Variants in GMEB1 observed in about 807,000 individuals in gnomAD.
GMEB1 encodes the protein glucocorticoid modulatory element binding protein 1, also known as glucocorticoid modulatory element-binding protein 1.
GMEB1 carries 6 observed loss-of-function variants against 52.4 expected under a neutral mutation model. The ratio of observed to expected loss-of-function variants is 0.11; its 90% CI spans 0.06 to 0.23. The LOEUF (loss-of-function observed/expected upper bound fraction) is 0.23. Ranked by LOEUF, GMEB1 falls within the 10% of genes least tolerant of loss-of-function variation. The pLI is 1.00. For synonymous variants in GMEB1, 255 were observed against 244.9 expected, an observed-to-expected ratio of 1.04 and a Z score of -0.38; for missense variants, 486 against 685.6, an observed-to-expected ratio of 0.71 and a Z score of 3.25.
chr1:28,692,814 A>G (rs1670026804), intron 4 of GMEB1, 128 bp from the exon 5 acceptor site: 1 of 473,922 alleles, frequency 2.1e-6, no homozygotes, highest in Non-Finnish European at 3.8e-6. Flanking sequence ...GAGGTTGGAT[A>G]ATACAAGGCT....
intron 2 of GMEB1, among the ~76,000 whole-genome samples, chr1:28,687,859 A>G (rs1474217692): frequency 2.0e-5 from 3 of 151,556 alleles, no homozygotes; most frequent in Admixed American, 2.0e-4. Context: ...TTCTGTCTAC[A>G]GTGTGCTGAG....
chr1:28,685,373 C>A (rs1238902954), intron 2 of GMEB1, among the ~76,000 whole-genome samples: 1 of 151,730 alleles, frequency 6.6e-6, no homozygotes, highest in African/African-American at 2.4e-5. Context: ...CCGTGCCTGG[C>A]CAATTTTTGT....
chr1:28,672,544 A>G (rs1240129678), intron 1 of GMEB1, among the ~76,000 whole-genome samples: 2 of 151,582 alleles, frequency 1.3e-5, no homozygotes, highest in Non-Finnish European at 2.9e-5. Context: ...GTCCCCAGAA[A>G]GTGCCAATAT....
chr1:28,679,876 A>C (rs1293714619), intron 1 of GMEB1, among the ~76,000 whole-genome samples: 1 of 148,636 alleles, frequency 6.7e-6, no homozygotes. Context: ...ATCTCGGTTC[A>C]CCCACCACAA....
At chr1:28,705,785 A>T (rs898901360) in intron 8 of GMEB1, among the ~76,000 whole-genome samples, 46 of 151,666 alleles carry the variant, frequency 3.0e-4, no homozygotes, top group African/African-American at 1.1e-3. Context: ...GTATACATTC[A>T]TTATGTGGTA....
In GMEB1 at chr1:28,716,425, C is replaced by T. The variant is rs1388667025; in HGVS notation, c.*1652C>T. The stretch of plus-strand genomic sequence containing the variant: ...CACTCATTTGGTGCTTCCTCTTGTT[C>T]TGCCCTCCATCCCTCAACTCTTAAT... On this transcript the variant is annotated 3_prime_UTR_variant, in exon 10 of 10. Coordinates refer to ENST00000373816, the MANE Select transcript of GMEB1 (RefSeq NM_001319674.2). 2 of 152,156 alleles carry T rather than the reference C, an allele frequency of 1.3e-5. No homozygotes were observed. Among genetic ancestry groups the T allele is most frequent in the African/African-American group, 4.8e-5 (2 of 41,434 alleles). 9.4% of individuals were successfully genotyped at this position (152,156 alleles called of 1,614,324 possible).
intron 1 of GMEB1, among the ~76,000 whole-genome samples, chr1:28,682,227 T>A (rs1669422320): frequency 6.6e-6 from 1 of 152,076 alleles, no homozygotes; most frequent in Non-Finnish European, 1.5e-5. Flanking sequence ...GGAGTAACTT[T>A]AGAGTCAAGG....
At chr1:28,705,871 T>C (rs1469878134) in intron 8 of GMEB1, among the ~76,000 whole-genome samples, 1 of 149,548 alleles carries the variant, frequency 6.7e-6, no homozygotes, top group East Asian at 2.1e-4. Flanking sequence ...ATTCTCATAT[T>C]CGGCCGGGCG....
Position 28,714,739 on chromosome 1 carries a change from T to C in GMEB1, c.1658T>C (p.Val553Ala), listed in dbSNP as rs780473449. 1 of 1,613,886 alleles carries C rather than the reference T, an allele frequency of 6.2e-7. No homozygotes were observed. Among genetic ancestry groups the C allele is most frequent in the East Asian group, 2.2e-5 (1 of 44,876 alleles). The stretch of plus-strand genomic sequence containing the variant: ...GAGATGGAAGAACACCAGCATCAAG[T>C]TCACAATGTGGAGATTGTGGTCTTA... Reference protein sequence around the residue: ...VAEMEEHQHQVHNVEIVVLED With the variant: ...VAEMEEHQHQAHNVEIVVLED Residue 553 changes from valine (V) to alanine (A), a missense_variant, in exon 10 of 10, where the codon GTT becomes GCT. Physicochemically the swap from Val to Ala is moderately conservative, Grantham distance 64. Transcript: ENST00000373816.
chr1:28,674,110 A>C (rs1669024802), intron 1 of GMEB1, among the ~76,000 whole-genome samples: 2 of 151,266 alleles, frequency 1.3e-5, no homozygotes, highest in South Asian at 4.2e-4. Context: ...AGACCCTGCC[A>C]TTGCACTCCA....
At chr1:28,703,815 A>G (rs1251675238) in intron 7 of GMEB1, among the ~76,000 whole-genome samples, 3 of 152,120 alleles carry the variant, frequency 2.0e-5, no homozygotes, top group Non-Finnish European at 4.4e-5. Context: ...TTTCTTTACT[A>G]TTTAACTTTT....
At chr1:28,670,856 A>AT (rs985214815) in intron 1 of GMEB1, among the ~76,000 whole-genome samples, 10 of 152,098 alleles carry the variant, frequency 6.6e-5, no homozygotes, top group East Asian at 5.8e-4. Context: ...TACTTAAATG[A>AT]TTTTTTTTGG....
intron 1 of GMEB1, among the ~76,000 whole-genome samples, chr1:28,670,000 A>G (rs1383296565): frequency 6.6e-6 from 1 of 152,100 alleles, no homozygotes; most frequent in Non-Finnish European, 1.5e-5. Flanking sequence ...ACCACTTCCT[A>G]GTAGACACAG....
chr1:28,702,405 T>C, intron 6 of GMEB1, 33 bp from the exon 7 acceptor site: 1 of 1,597,566 alleles, frequency 6.3e-7, no homozygotes, highest in South Asian at 1.1e-5. Flanking sequence ...TTCGTTAAAT[T>C]CACTGTTCTC....
chr1:28,679,801 A>G (rs1007031375), intron 1 of GMEB1, among the ~76,000 whole-genome samples: 10 of 146,376 alleles, frequency 6.8e-5, no homozygotes, highest in Non-Finnish European at 1.4e-4. Flanking sequence ...GATGGCTCAC[A>G]CTTTTTTTTT....
At chr1:28,706,079 G>A (rs1372749141) in intron 8 of GMEB1, among the ~76,000 whole-genome samples, 2 of 151,876 alleles carry the variant, frequency 1.3e-5, no homozygotes, top group African/African-American at 2.4e-5. Flanking sequence ...GCATGAACCC[G>A]GGAGGCAGAA....
At chr1:28,709,246 G>T (rs61786059) in intron 8 of GMEB1, among the ~76,000 whole-genome samples, 28,311 of 151,900 alleles carry the variant, frequency 0.19, 3,274 homozygotes, top group Middle Eastern at 0.3. Context: ...GGCAGGGCTT[G>T]CAGGGAGCCA....
chr1:28,696,128 C>T (rs866600598), intron 5 of GMEB1, among the ~76,000 whole-genome samples: 3 of 151,364 alleles, frequency 2.0e-5, no homozygotes, highest in Non-Finnish European at 4.4e-5. Flanking sequence ...AGTGCAGTGG[C>T]GTGATCTCAG....
chr1:28,706,959 G>C (rs1162770447), intron 8 of GMEB1, among the ~76,000 whole-genome samples: 6 of 143,420 alleles, frequency 4.2e-5, no homozygotes, highest in Non-Finnish European at 9.0e-5. Flanking sequence ...GAGCCACCAT[G>C]CCTGTCCTCC....
Sources: gnomAD v4.1 joint callset for allele counts (sites outside exome capture counted in the v4.1 genomes callset) on GRCh38, gnomAD v4.1.1 for gene constraint, MANE v1.5 for transcripts, NCBI Gene and HGNC (gene_info 2026-07-23, HGNC 2026-07-21) for gene names.